Variants in ZDHHC3 observed in about 807,000 individuals in gnomAD.
The protein encoded by ZDHHC3 is zDHHC palmitoyltransferase 3, also known as palmitoyltransferase ZDHHC3.
ZDHHC3 carries 9 observed loss-of-function variants against 30.6 expected under a neutral mutation model. That is an observed-to-expected ratio of 0.29 (90% CI 0.18 to 0.51). ZDHHC3 has a LOEUF of 0.51. Among genes scored for constraint, ZDHHC3 ranks in the 20% least tolerant of loss-of-function variants. The pLI, the probability that ZDHHC3 is intolerant of heterozygous loss-of-function variation, is 0.97. For synonymous variants in ZDHHC3, 136 were observed against 140.2 expected (o/e 0.97, Z 0.21); for missense variants, 246 against 384.2 (o/e 0.64, Z 3.01).
chr3:44,973,405 G>T (rs1041166673), intron 1 of ZDHHC3, among the ~76,000 whole-genome samples: 2 of 152,090 alleles, frequency 1.3e-5, no homozygotes, highest in African/African-American at 4.8e-5. Flanking sequence ...TGTAAAATAG[G>T]GATAAGAATA....
chr3:44,934,334 A>T (rs1347879469), intron 3 of ZDHHC3, among the ~76,000 whole-genome samples: 2 of 151,966 alleles, frequency 1.3e-5, no homozygotes, highest in Non-Finnish European at 1.5e-5. Context: ...AGTTTCAAAA[A>T]CTTGACCAAG....
rs939227853 is a variant in ZDHHC3 at position 44,922,354 on chromosome 3, G to A, written c.*4335C>T. Reference sequence around the variant, plus strand: ...TTCTACTCTTTTCTCTTTCCCTTCCGGGCTGCTTCTTCACCCAAAGGGCCC... The same window carrying A: ...TTCTACTCTTTTCTCTTTCCCTTCCAGGCTGCTTCTTCACCCAAAGGGCCC... On this transcript the variant is annotated 3_prime_UTR_variant, in exon 7 of 7. Coordinates refer to ENST00000424952, the MANE Select transcript of ZDHHC3 (RefSeq NM_001135179.2). 44 of 985,200 alleles carry A rather than the reference G, an allele frequency of 4.5e-5. No individual in the cohort carries two copies. Among genetic ancestry groups the A allele is most frequent in the Non-Finnish European group, 5.2e-5 (43 of 829,918 alleles). The allele number at this position is 985,200 out of a possible 1,614,324, so 61.0% of individuals were successfully genotyped here. A position where few individuals can be genotyped will look rare whatever the true frequency, so the allele number is the denominator to read the frequency against.
At chr3:44,971,331 T>C (rs1375644737) in intron 1 of ZDHHC3, among the ~76,000 whole-genome samples, 1 of 152,262 alleles carries the variant, frequency 6.6e-6, no homozygotes, top group Non-Finnish European at 1.5e-5. Flanking sequence ...ACATTTCCCA[T>C]GCATTCCAAA....
chr3:44,948,979 G>A (rs9810846), intron 2 of ZDHHC3, among the ~76,000 whole-genome samples: 80,935 of 152,190 alleles, frequency 0.53, 22,151 homozygotes, highest in East Asian at 0.89. Context: ...AAGTCTGAAG[G>A]AACACTTGTC....
In ZDHHC3 at chr3:44,956,424, T is replaced by C. The variant is rs765186084; in HGVS notation, c.306+2707A>G. On this transcript the variant is annotated intron_variant, in intron 2 of 6. Transcript: ENST00000424952. ...GGCACCAGTGCTCCCCAGGCTGCTC[T>C]AGCTAAGACTCTGGAAGGTATACTC... Among the ~76,000 whole-genome samples, 46 of 152,340 alleles carry C rather than the reference T, an allele frequency of 3.0e-4. 1 individual carries two copies. Among genetic ancestry groups the C allele is most frequent in the Non-Finnish European group, 2.8e-4 (19 of 68,032 alleles).
At chr3:44,956,521 A>G (rs1227159778) in intron 2 of ZDHHC3, among the ~76,000 whole-genome samples, 2 of 152,184 alleles carry the variant, frequency 1.3e-5, no homozygotes. Flanking sequence ...ATGTGAGGGA[A>G]ACGTGGGAGC....
intron 6 of ZDHHC3, among the ~76,000 whole-genome samples, chr3:44,928,662 G>A (rs1701213974): frequency 6.6e-6 from 1 of 152,198 alleles, no homozygotes. Context: ...AGCAGTAGGG[G>A]CACCAAGGGA....
intron 2 of ZDHHC3, chr3:44,958,805 C>G: frequency 1.1e-6 from 1 of 905,878 alleles, no homozygotes; most frequent in Non-Finnish European, 1.7e-6. Flanking sequence ...TGGCCCCAGT[C>G]TTCAAGGTTA....
chr3:44,933,075 C>A (rs745683183), intron 5 of ZDHHC3, 43 bp downstream of exon 5: 1 of 1,611,254 alleles, frequency 6.2e-7, no homozygotes, highest in Non-Finnish European at 8.5e-7. Context: ...TCAGGTCACA[C>A]ACCCACCCTG....
rs2125779242 is a variant in ZDHHC3 at position 44,920,002 on chromosome 3, G to A, written c.*6687C>T. The A allele has an allele frequency of 8.7e-7, 1 of 1,152,086 alleles. No homozygotes were observed. The highest frequency in any genetic ancestry group is 1.1e-6 in the Non-Finnish European group (1 of 919,786). The allele number at this position is 1,152,086 out of a possible 1,614,324, so 71.4% of individuals were successfully genotyped here. A position where few individuals can be genotyped will look rare whatever the true frequency, so the allele number is the denominator to read the frequency against. ...GCAGCTAGAAAAGATGGTTTAATATGGTTTTACATGACATTAGAACATTTG... is the reference window on the plus strand; with the variant it reads ...GCAGCTAGAAAAGATGGTTTAATATAGTTTTACATGACATTAGAACATTTG... On this transcript the variant is annotated 3_prime_UTR_variant, in exon 7 of 7. Coordinates refer to ENST00000424952, the MANE Select transcript of ZDHHC3 (RefSeq NM_001135179.2).
intron 1 of ZDHHC3, among the ~76,000 whole-genome samples, chr3:44,962,495 A>AAGGAAG (rs1704562329): frequency 4.5e-5 from 5 of 112,202 alleles, no homozygotes; most frequent in Non-Finnish European, 9.2e-5. Flanking sequence ...AAAGGGAGAG[A>AAGGAAG]GAAGGAAGGA....
intron 1 of ZDHHC3, among the ~76,000 whole-genome samples, chr3:44,965,395 T>C (rs538920192): frequency 4.2e-4 from 64 of 152,306 alleles, no homozygotes; most frequent in African/African-American, 1.4e-3. Flanking sequence ...ATACCACTTA[T>C]GCCTCAGTCC....
chr3:44,961,282 C>G (rs1288273005), intron 1 of ZDHHC3, among the ~76,000 whole-genome samples: 1 of 152,274 alleles, frequency 6.6e-6, no homozygotes, highest in African/African-American at 2.4e-5. Context: ...GTCCCAGCTA[C>G]TGGGGAGGCT....
intron 1 of ZDHHC3, among the ~76,000 whole-genome samples, chr3:44,971,294 T>C (rs934547707): frequency 2.0e-5 from 3 of 152,236 alleles, no homozygotes; most frequent in South Asian, 2.1e-4. Context: ...ACGAAGTCTA[T>C]GGTTTGGAGG....
chr3:44,947,656 T>C (rs918764520), intron 2 of ZDHHC3, among the ~76,000 whole-genome samples: 2 of 152,214 alleles, frequency 1.3e-5, no homozygotes, highest in Non-Finnish European at 2.9e-5. Flanking sequence ...GCCTAGACTC[T>C]TATGCAGCAC....
Position 44,925,052 on chromosome 3 carries a change from A to G in ZDHHC3, c.*1637T>C. 1.0e-6 allele frequency: 1 copy of G among 985,870 alleles called. No individual in the cohort carries two copies. Among genetic ancestry groups the G allele is most frequent in the South Asian group, 4.7e-5 (1 of 21,286 alleles). 61.1% of individuals were successfully genotyped at this position (985,870 alleles called of 1,614,324 possible). A position where few individuals can be genotyped will look rare whatever the true frequency, so the allele number is the denominator to read the frequency against. ...CATTTTAAAACAAAAAAAATAAAGTATCCTCATTCAAGAGACAGAGCAATG... is the reference window on the plus strand; with the variant it reads ...CATTTTAAAACAAAAAAAATAAAGTGTCCTCATTCAAGAGACAGAGCAATG... On this transcript the variant is annotated 3_prime_UTR_variant, in exon 7 of 7. Coordinates refer to ENST00000424952, the MANE Select transcript of ZDHHC3 (RefSeq NM_001135179.2).
intron 3 of ZDHHC3, among the ~76,000 whole-genome samples, chr3:44,934,656 C>T (rs906400972): frequency 1.3e-5 from 2 of 150,860 alleles, no homozygotes; most frequent in African/African-American, 2.4e-5. Flanking sequence ...CTTTGCGAAG[C>T]TGAGATGGGC....
At chr3:44,963,220 A>G (rs1331938125) in intron 1 of ZDHHC3, among the ~76,000 whole-genome samples, 1 of 152,218 alleles carries the variant, frequency 6.6e-6, no homozygotes, top group Non-Finnish European at 1.5e-5. Context: ...CAAAGAGTGT[A>G]CAGAGGAGCT....
chr3:44,948,522 G>C (rs760475911), intron 2 of ZDHHC3, among the ~76,000 whole-genome samples: 1 of 152,210 alleles, frequency 6.6e-6, no homozygotes, highest in Admixed American at 6.5e-5. Context: ...ACAAAGAAGC[G>C]ATGGGAGCCC....
Sources: gnomAD v4.1 joint callset for allele counts (sites outside exome capture counted in the v4.1 genomes callset) on GRCh38, gnomAD v4.1.1 for gene constraint, MANE v1.5 for transcripts, NCBI Gene and HGNC (gene_info 2026-07-23, HGNC 2026-07-21) for gene names.